AJAP1: variants seen among roughly 807,000 people sequenced by gnomAD.
The protein encoded by AJAP1 is adherens junctions associated protein 1.
AJAP1 carries 5 observed loss-of-function variants against 35.0 expected under a neutral mutation model. The observed-to-expected ratio is 0.14, with a 90% CI of 0.07 to 0.30. AJAP1 has a LOEUF of 0.30. Ranked by LOEUF, AJAP1 falls within the 10% of genes least tolerant of loss-of-function variation. AJAP1 has a pLI of 1.00. For missense variants in AJAP1, 586 were observed against 571.0 expected (o/e 1.03, Z -0.27); for synonymous variants, 284 against 249.3 (o/e 1.14, Z -1.31).
chr1:4,687,443 G>A (rs1371019474), intron 1 of AJAP1, among the ~76,000 whole-genome samples: 2 of 152,202 alleles, frequency 1.3e-5, no homozygotes, highest in East Asian at 1.9e-4. Flanking sequence ...GTGAGGTCAA[G>A]CCTTGGTCCG....
chr1:4,740,363 G>T (rs77645520), intron 2 of AJAP1, among the ~76,000 whole-genome samples: 1 of 122,884 alleles, frequency 8.1e-6, no homozygotes, highest in Non-Finnish European at 1.9e-5. Context: ...GCCTGGGGGA[G>T]GGGGATGGGG....
At chr1:4,718,570 C>T (rs1640447365) in intron 2 of AJAP1, among the ~76,000 whole-genome samples, 1 of 151,804 alleles carries the variant, frequency 6.6e-6, no homozygotes, top group Non-Finnish European at 1.5e-5. Flanking sequence ...GCAACCTCTG[C>T]CTCTCGGGTT....
In AJAP1 at chr1:4,774,511, C is replaced by T. The variant is rs1032516136; in HGVS notation, c.*12C>T. The T allele has an allele frequency of 6.2e-7, 1 of 1,612,846 alleles. No homozygotes were observed. Among genetic ancestry groups the T allele is most frequent in the Admixed American group, 1.7e-5 (1 of 60,026 alleles). On this transcript the variant is annotated 3_prime_UTR_variant, in exon 5 of 6. Coordinates refer to ENST00000378191, the MANE Select transcript of AJAP1 (RefSeq NM_018836.4). The stretch of plus-strand genomic sequence containing the variant: ...AAATCTCCTGCTGACTGGCCGAAGT[C>T]TTTTTTACCTCCTGGGGGCAGGGCA...
At chr1:4,748,739 CTCTGT>C (rs1641252038) in intron 2 of AJAP1, among the ~76,000 whole-genome samples, 1 of 119,394 alleles carries the variant, frequency 8.4e-6, no homozygotes, top group African/African-American at 3.4e-5. Flanking sequence ...CAGAGTGAGA[CTCTGT>C]CTCAAAAAAA....
intron 1 of AJAP1, among the ~76,000 whole-genome samples, chr1:4,686,669 G>A (rs1639615049): frequency 6.6e-6 from 1 of 152,154 alleles, no homozygotes; most frequent in Admixed American, 6.5e-5. Flanking sequence ...CGATCTCAAC[G>A]CCATGAAATA....
chr1:4,757,571 A>G (rs1439167021), intron 2 of AJAP1, among the ~76,000 whole-genome samples: 1 of 152,198 alleles, frequency 6.6e-6, no homozygotes, highest in Admixed American at 6.5e-5. Flanking sequence ...CACCATGGAA[A>G]CACATCACAG....
rs1640493527 is a variant in AJAP1 at position 4,720,570 on chromosome 1, A to G, written c.829+7871A>G. Among the ~76,000 whole-genome samples the G allele has an allele frequency of 6.6e-6, 1 of 152,172 alleles. No homozygotes were observed. The highest frequency in any genetic ancestry group is 2.4e-5 in the African/African-American group (1 of 41,450). On this transcript the variant is annotated intron_variant, in intron 2 of 5. Transcript: ENST00000378191. This position sits in a 1 kb window ranked among gnomAD's most constrained non-coding sequence, Gnocchi z 4.4. ...GGTCCTCTGAATCTTTGCCTGCAAA[A>G]TGGGGAAGCAATTTCTTTGTGACAA...
intron 2 of AJAP1, among the ~76,000 whole-genome samples, chr1:4,751,382 G>T (rs557386488): frequency 6.6e-6 from 1 of 152,240 alleles, no homozygotes; most frequent in Non-Finnish European, 1.5e-5. Context: ...ACTCAGCAGG[G>T]CATAGGAGCT....
In AJAP1 at chr1:4,692,585, G is replaced by A. The variant is rs977180786; in HGVS notation, c.30-19315G>A. 3.9e-5 allele frequency among the ~76,000 whole-genome samples: 6 copies of A among 152,194 alleles called. No homozygotes were observed. The highest frequency in any genetic ancestry group is 1.9e-4 in the East Asian group (1 of 5,194). Reference sequence around the variant, plus strand: ...CCTCCGCAGGCCTCCTGACCATGGCGGGGCCTTCCCTAGTGGACCCCACAA... The same window carrying A: ...CCTCCGCAGGCCTCCTGACCATGGCAGGGCCTTCCCTAGTGGACCCCACAA... On this transcript the variant is annotated intron_variant, in intron 1 of 5. Transcript: ENST00000378191. The surrounding 1 kb of genome is among the most constrained non-coding windows in gnomAD (Gnocchi z 4.4).
chr1:4,695,710 T>C (rs4654588), intron 1 of AJAP1, among the ~76,000 whole-genome samples: 11,276 of 152,286 alleles, frequency 0.074, 451 homozygotes, highest in Admixed American at 0.1. Flanking sequence ...TCACATGGTC[T>C]TGGCTCTGTG....
chr1:4,662,224 C>T (rs528957330), intron 1 of AJAP1, among the ~76,000 whole-genome samples: 1 of 152,266 alleles, frequency 6.6e-6, no homozygotes, highest in East Asian at 1.9e-4. Context: ...TGATAAGATC[C>T]CTTTTGCTGT....
intron 2 of AJAP1, among the ~76,000 whole-genome samples, chr1:4,719,464 C>T (rs923159230): frequency 1.2e-4 from 18 of 152,100 alleles, no homozygotes; most frequent in Non-Finnish European, 2.4e-4. Flanking sequence ...TCTGGCAATA[C>T]AGATTGGAAG....
Position 4,656,112 on chromosome 1 carries a change from C to T in AJAP1, c.29+658C>T. Among the ~76,000 whole-genome samples, 1 of 151,908 alleles carries T rather than the reference C, an allele frequency of 6.6e-6. No individual in the cohort carries two copies. The highest frequency in any genetic ancestry group is 2.4e-5 in the African/African-American group (1 of 41,370). ...TCCGGCGGCCACCCCGCTGTAAACACACACGCACATACGCCCGCCGGCGCG... is the reference window on the plus strand; with the variant it reads ...TCCGGCGGCCACCCCGCTGTAAACATACACGCACATACGCCCGCCGGCGCG... On this transcript the variant is annotated intron_variant, in intron 1 of 5. Transcript: ENST00000378191. The surrounding 1 kb of genome is among the most constrained non-coding windows in gnomAD (Gnocchi z 5.7).
At chr1:4,696,450 G>A (rs558154668) in intron 1 of AJAP1, among the ~76,000 whole-genome samples, 1 of 152,298 alleles carries the variant, frequency 6.6e-6, no homozygotes, top group East Asian at 1.9e-4. Flanking sequence ...CCCTGGCTAT[G>A]CTGTGTCCCT....
chr1:4,742,145 C>G (rs1641082032), intron 2 of AJAP1, among the ~76,000 whole-genome samples: 1 of 152,170 alleles, frequency 6.6e-6, no homozygotes, highest in African/African-American at 2.4e-5. Flanking sequence ...CTCCAGTTAT[C>G]TCCCATGAAA....
chr1:4,712,518 G>GGCC lies in AJAP1; in HGVS notation c.652_654dup (p.Ala218dup). 1 of 1,612,566 alleles carries GGCC rather than the reference G, an allele frequency of 6.2e-7. No individual in the cohort carries two copies. Among genetic ancestry groups the GGCC allele is most frequent in the Non-Finnish European group, 8.5e-7 (1 of 1,179,444 alleles). On this transcript the variant is annotated inframe_insertion, in exon 2 of 6. Transcript: ENST00000378191. Reference sequence around the variant, plus strand: ...TCCTACAAACACGGAAGACAACTGTGGCCGCCACCACCACCACCACCACCA... The same window carrying GGCC: ...TCCTACAAACACGGAAGACAACTGTGGCCGCCGCCACCACCACCACCACCACCA...
intron 5 of AJAP1, among the ~76,000 whole-genome samples, chr1:4,780,001 C>T (rs748632581): frequency 2.6e-4 from 40 of 151,602 alleles, no homozygotes; most frequent in Non-Finnish European, 5.0e-4. Flanking sequence ...AAAAATTAGA[C>T]GGGTGTGTGG....
chr1:4,766,822 G>C (rs1641695773), intron 2 of AJAP1, among the ~76,000 whole-genome samples: 1 of 152,120 alleles, frequency 6.6e-6, no homozygotes, highest in Non-Finnish European at 1.5e-5. Flanking sequence ...TCTGCTTGCT[G>C]ACCAGGGAAA....
At chr1:4,696,842 C>A (rs983134077) in intron 1 of AJAP1, among the ~76,000 whole-genome samples, 5 of 152,134 alleles carry the variant, frequency 3.3e-5, no homozygotes, top group African/African-American at 1.2e-4. Context: ...TGCATGTTTT[C>A]TCTGTATGCA....
Sources: gnomAD v4.1 joint callset for allele counts (sites outside exome capture counted in the v4.1 genomes callset) on GRCh38, gnomAD v4.1.1 for gene constraint, Gnocchi (gnomAD v3.1) non-coding constraint, MANE v1.5 for transcripts, NCBI Gene and HGNC (gene_info 2026-07-23, HGNC 2026-07-21) for gene names.